Variants in AFF3 observed in about 807,000 individuals in gnomAD.
AFF3 encodes the protein ALF transcription elongation factor 3.
AFF3 carries 32 observed loss-of-function variants against 129.7 expected under a neutral mutation model. The observed-to-expected ratio is 0.25, with a 90% CI of 0.19 to 0.33. The LOEUF (loss-of-function observed/expected upper bound fraction) is 0.33. AFF3 is among the 10% of genes least tolerant of loss of function. The probability of loss-of-function intolerance (pLI) is 1.00; values close to 1 mark genes in which losing one functional copy is unlikely to be tolerated. For synonymous variants in AFF3, 644 were observed against 635.4 expected, an observed-to-expected ratio of 1.01 and a Z score of -0.20; for missense variants, 1,373 against 1,592.0, an observed-to-expected ratio of 0.86 and a Z score of 2.34.
At chr2:99,722,338 G>C (rs542509877) in intron 11 of AFF3, among the ~76,000 whole-genome samples, 5 of 152,172 alleles carry the variant, frequency 3.3e-5, no homozygotes, top group African/African-American at 9.6e-5. Flanking sequence ...TGTAAATTTT[G>C]TTTTAGAGAT....
chr2:99,775,479 C>T (rs1322298430), intron 8 of AFF3, among the ~76,000 whole-genome samples: 1 of 152,142 alleles, frequency 6.6e-6, no homozygotes, highest in Non-Finnish European at 1.5e-5. Flanking sequence ...ACTGCATGTT[C>T]TCACTTATAA....
chr2:99,622,346 G>A lies in AFF3; in HGVS notation c.1185-20725C>T, dbSNP rs532009325. 2.2e-3 allele frequency among the ~76,000 whole-genome samples: 335 copies of A among 152,244 alleles called. 2 individuals are homozygous for A. The highest frequency in any genetic ancestry group is 4.1e-3 in the Admixed American group (62 of 15,288). ...CAACCCATGAGAGGCAAATTACCACGAACACATTTTATTCAAGGGAAGGAA... is the reference window on the plus strand; with the variant it reads ...CAACCCATGAGAGGCAAATTACCACAAACACATTTTATTCAAGGGAAGGAA... On this transcript the variant is annotated intron_variant, in intron 13 of 24. Coordinates refer to ENST00000672756, the MANE Select transcript of AFF3 (RefSeq NM_001386135.1).
intron 11 of AFF3, among the ~76,000 whole-genome samples, chr2:99,714,524 C>A (rs771422483): frequency 1.3e-5 from 2 of 152,046 alleles, no homozygotes; most frequent in Non-Finnish European, 2.9e-5. Flanking sequence ...TAAACAGATA[C>A]AAAAAGGAGG....
chr2:99,546,910 G>T lies in AFF3; in HGVS notation c.*4564C>A, dbSNP rs1169137942. 1 of 221,188 alleles carries T rather than the reference G, an allele frequency of 4.5e-6. No homozygotes were observed. The highest frequency in any genetic ancestry group is 2.2e-5 in the African/African-American group (1 of 44,618). The allele number at this position is 221,188 out of a possible 1,614,324, so 13.7% of individuals were successfully genotyped here. A position where few individuals can be genotyped will look rare whatever the true frequency, so the allele number is the denominator to read the frequency against. On this transcript the variant is annotated 3_prime_UTR_variant, in exon 25 of 25. Transcript: ENST00000672756. ...TTGAGATGACCTTCTCAAGCTTCCT[G>T]TTGAGCCTTCACTGGGACACTGGGA...
At chr2:100,060,457 G>A (rs114789767) in intron 4 of AFF3, among the ~76,000 whole-genome samples, 118 of 152,152 alleles carry the variant, frequency 7.8e-4, no homozygotes, top group African/African-American at 2.7e-3. Flanking sequence ...TGCTTAACCG[G>A]GCTACCTTTT....
intron 11 of AFF3, among the ~76,000 whole-genome samples, chr2:99,705,390 G>A (rs923063735): frequency 6.6e-6 from 1 of 152,150 alleles, no homozygotes; most frequent in African/African-American, 2.4e-5. Flanking sequence ...GCTGGGAGAG[G>A]AGGGGGAGAG....
rs59914547 is a variant in AFF3 at position 100,117,712 on chromosome 2, T to A, written c.-145+11512A>T. 5.3e-5 allele frequency among the ~76,000 whole-genome samples: 8 copies of A among 152,330 alleles called. 1 individual carries two copies. Among genetic ancestry groups the A allele is most frequent in the Middle Eastern group, 6.8e-3 (2 of 294 alleles). On this transcript the variant is annotated intron_variant, in intron 2 of 24. Transcript: ENST00000672756. The stretch of plus-strand genomic sequence containing the variant: ...ACATTGTATTTGAAAAACAGTAATA[T>A]GCAAAAACATTTGAGACCTAGGGTG...
At chr2:100,117,626 G>T (rs1691784174) in intron 2 of AFF3, among the ~76,000 whole-genome samples, 1 of 152,090 alleles carries the variant, frequency 6.6e-6, no homozygotes, top group African/African-American at 2.4e-5. Context: ...CCTATCTGTT[G>T]TTTCTGCTGA....
At chr2:99,764,859 G>A (rs889776019) in intron 8 of AFF3, among the ~76,000 whole-genome samples, 1 of 152,022 alleles carries the variant, frequency 6.6e-6, no homozygotes, top group Non-Finnish European at 1.5e-5. Context: ...CAAATCTCGT[G>A]CTCATGATGA....
At chr2:99,863,418 T>C (rs1274586180) in intron 7 of AFF3, among the ~76,000 whole-genome samples, 2 of 152,012 alleles carry the variant, frequency 1.3e-5, no homozygotes, top group Non-Finnish European at 2.9e-5. Flanking sequence ...TGTCTCCTCT[T>C]TAAGAAAAAA....
Position 99,568,867 on chromosome 2 carries a change from A to G in AFF3, c.2967T>C (p.His989=), listed in dbSNP as rs1365362603. The G allele has an allele frequency of 1.9e-6, 3 of 1,614,052 alleles. No homozygotes were observed. Among genetic ancestry groups the G allele is most frequent in the Non-Finnish European group, 2.5e-6 (3 of 1,179,996 alleles). The change falls in exon 19 of 25, where the codon CAT becomes CAC. Residue 989 remains histidine, a synonymous_variant. Transcript: ENST00000672756. ...YFMQEAKRMK[H]KADAMVEKFG... ...AGGGTCTCACCATTGCATCTGCTTT[A>G]TGCTTCATTCGTTTAGCTTCTTGCA...
At chr2:99,635,125 G>T (rs9308825) in intron 13 of AFF3, among the ~76,000 whole-genome samples, 98,601 of 119,788 alleles carry the variant, frequency 0.82, 40,934 homozygotes, top group South Asian at 0.89. Flanking sequence ...CATATCTCTA[G>T]GTATATGATA....
chr2:99,888,771 G>A (rs141733529), intron 7 of AFF3, among the ~76,000 whole-genome samples: 243 of 152,052 alleles, frequency 1.6e-3, no homozygotes, highest in African/African-American at 5.7e-3. Context: ...TCAAGGAAAT[G>A]TCAGCAATGT....
chr2:99,638,186 A>G (rs1391801835), intron 13 of AFF3, among the ~76,000 whole-genome samples: 1 of 151,476 alleles, frequency 6.6e-6, no homozygotes, highest in Non-Finnish European at 1.5e-5. Flanking sequence ...TAATTCAACT[A>G]CCTCAGCCTC....
intron 13 of AFF3, among the ~76,000 whole-genome samples, chr2:99,648,917 A>ACACT: frequency 2.3e-4 from 11 of 46,936 alleles, no homozygotes; most frequent in East Asian, 2.3e-3. Flanking sequence ...ACACACACAC[A>ACACT]CTCTCTCTCT....
At chr2:99,773,060 C>T (rs1314369336) in intron 8 of AFF3, among the ~76,000 whole-genome samples, 7 of 152,206 alleles carry the variant, frequency 4.6e-5, no homozygotes, top group South Asian at 2.1e-4. Context: ...TCTGCTCACC[C>T]GTTGTCACTT....
chr2:99,590,585 C>T (rs920644962), intron 15 of AFF3, among the ~76,000 whole-genome samples: 7 of 152,184 alleles, frequency 4.6e-5, no homozygotes, highest in African/African-American at 1.7e-4. Flanking sequence ...AAAATCCACA[C>T]ACTTTCCATT....
At chr2:99,569,564 CAT>C (rs1676290194) in intron 18 of AFF3, among the ~76,000 whole-genome samples, 1 of 152,126 alleles carries the variant, frequency 6.6e-6, no homozygotes, top group Non-Finnish European at 1.5e-5. Flanking sequence ...TAACAGCAGA[CAT>C]GTGGATTATT....
intron 12 of AFF3, among the ~76,000 whole-genome samples, chr2:99,668,959 A>G (rs577153922): frequency 7.0e-4 from 107 of 152,342 alleles, no homozygotes; most frequent in African/African-American, 2.6e-3. Context: ...TATCAAAACT[A>G]GCCAAAGACA....
Sources: allele counts gnomAD v4.1 joint callset (sites outside exome capture counted in the v4.1 genomes callset), GRCh38; gene constraint gnomAD v4.1.1; transcripts MANE v1.5; gene names NCBI Gene and HGNC (gene_info 2026-07-23, HGNC 2026-07-21).